Variants in DLGAP2 observed in about 807,000 individuals in gnomAD.
DLGAP2 encodes the protein DLG associated protein 2, also known as disks large-associated protein 2.
Under a neutral mutation model 100.3 loss-of-function variants are expected in DLGAP2, and 26 were observed. The ratio of observed to expected loss-of-function variants is 0.26; its 90% CI spans 0.19 to 0.36. The LOEUF is 0.36. Ranked by LOEUF, DLGAP2 falls within the 10% of genes least tolerant of loss-of-function variation. The pLI is 1.00. For missense variants in DLGAP2, 1,858 were observed against 1,453.2 expected (o/e 1.28, Z -4.53); for synonymous variants, 886 against 630.1 (o/e 1.41, Z -6.08).
At chr8:1,108,989 C>T (rs1323178942) in intron 2 of DLGAP2, among the ~76,000 whole-genome samples, 1 of 141,768 alleles carries the variant, frequency 7.1e-6, no homozygotes, top group Non-Finnish European at 1.5e-5. Flanking sequence ...GTGAGGTGTG[C>T]ACATGCCTAT....
At chr8:1,675,496 C>G (rs1207861743) in intron 10 of DLGAP2, among the ~76,000 whole-genome samples, 1 of 152,240 alleles carries the variant, frequency 6.6e-6, no homozygotes, top group African/African-American at 2.4e-5. Flanking sequence ...CTCTTAGCCA[C>G]AAATCTGAGC....
chr8:1,097,223 C>G (rs1251939481), intron 2 of DLGAP2, among the ~76,000 whole-genome samples: 1 of 131,320 alleles, frequency 7.6e-6, no homozygotes, highest in South Asian at 2.5e-4. Context: ...AGGCCTTCAC[C>G]CTCTGTGGCA....
rs577539042 is a variant in DLGAP2, at chr8:1,559,943, A to G, written c.1231-5740A>G. Among the ~76,000 whole-genome samples the G allele has an allele frequency of 5.9e-5, 9 of 152,316 alleles. No individual in the cohort carries two copies. In the South Asian group the frequency reaches 1.9e-3, roughly 32 times the overall value. On this transcript the variant is annotated intron_variant, in intron 5 of 14. Transcript: ENST00000637795. ...TTTCCTGATCCTGGCCCCTCCCGTC[A>G]GCCGACAGTGACCTTCAACACGTGT...
At chr8:1,334,593 A>AC (rs935186616) in intron 3 of DLGAP2, among the ~76,000 whole-genome samples, 42 of 150,632 alleles carry the variant, frequency 2.8e-4, no homozygotes, top group Admixed American at 6.0e-4. Context: ...CCTGCCCTCG[A>AC]CCCCCCCAGT....
At chr8:1,328,444 G>C (rs1052371153) in intron 3 of DLGAP2, among the ~76,000 whole-genome samples, 1 of 152,090 alleles carries the variant, frequency 6.6e-6, no homozygotes, top group Non-Finnish European at 1.5e-5. Context: ...TCAGCCTCCC[G>C]AGTAGCGGGA....
intron 1 of DLGAP2, among the ~76,000 whole-genome samples, chr8:896,980 C>T (rs1273486099): frequency 1.3e-5 from 2 of 152,144 alleles, no homozygotes; most frequent in Non-Finnish European, 2.9e-5. Context: ...CCAAGTTTTA[C>T]ATCTGTAACA....
At chr8:1,143,394 C>T (rs1038891654) in intron 2 of DLGAP2, among the ~76,000 whole-genome samples, 16 of 152,180 alleles carry the variant, frequency 1.1e-4, no homozygotes, top group African/African-American at 3.9e-4. Flanking sequence ...AGTATCTCCC[C>T]TTAATATCTC....
intron 3 of DLGAP2, among the ~76,000 whole-genome samples, chr8:1,343,125 G>A (rs1801457042): frequency 1.3e-5 from 2 of 152,200 alleles, no homozygotes; most frequent in South Asian, 4.1e-4. Flanking sequence ...CACCAAGCGT[G>A]CAGAAGTCCC....
At chr8:1,251,947 G>T (rs942302677) in intron 2 of DLGAP2, among the ~76,000 whole-genome samples, 4 of 152,242 alleles carry the variant, frequency 2.6e-5, no homozygotes, top group Non-Finnish European at 5.9e-5. Flanking sequence ...GTTGTCCTGG[G>T]TCATGGTGTC....
At chr8:1,101,803 CG>C (rs1382379819) in intron 2 of DLGAP2, among the ~76,000 whole-genome samples, 8 of 25,852 alleles carry the variant, frequency 3.1e-4, no homozygotes, top group African/African-American at 1.2e-3. Context: ...ACCCCTGAGC[CG>C]AACACGACAC....
At chr8:1,435,856 G>A (rs540543448) in intron 3 of DLGAP2, among the ~76,000 whole-genome samples, 2 of 151,924 alleles carry the variant, frequency 1.3e-5, no homozygotes, top group African/African-American at 4.8e-5. Flanking sequence ...TTGGGTCTTA[G>A]TGCTTAACAA....
chr8:1,095,238 GC>G (rs1475366992), intron 2 of DLGAP2, among the ~76,000 whole-genome samples: 7 of 152,222 alleles, frequency 4.6e-5, no homozygotes, highest in African/African-American at 1.4e-4. Flanking sequence ...AGGAATGGAG[GC>G]CCTCATAGTT....
rs1797236170 is a variant in DLGAP2 at position 1,618,741 on chromosome 8, T to C, written c.1443-7999T>C. Reference sequence around the variant, plus strand: ...ACTCTTGATATTTGGGGCCAGACAATTGTCTCTCATTGGGGGGATCTCCGT... The same window carrying C: ...ACTCTTGATATTTGGGGCCAGACAACTGTCTCTCATTGGGGGGATCTCCGT... On this transcript the variant is annotated intron_variant, in intron 6 of 14. Coordinates refer to ENST00000637795, the MANE Select transcript of DLGAP2 (RefSeq NM_001346810.2). Among the ~76,000 whole-genome samples, 3 of 152,142 alleles carry C rather than the reference T, an allele frequency of 2.0e-5. No individual in the cohort carries two copies. The South Asian group carries it at 6.2e-4, about 32-fold the overall frequency.
At chr8:1,203,137 CGTTT>C (rs1291169604) in intron 2 of DLGAP2, among the ~76,000 whole-genome samples, 3 of 151,974 alleles carry the variant, frequency 2.0e-5, no homozygotes, top group African/African-American at 7.3e-5. Context: ...TTTGTTTGTT[CGTTT>C]GTTTGTTTTG....
intron 1 of DLGAP2, among the ~76,000 whole-genome samples, chr8:884,501 GT>G (rs1797883758): frequency 6.6e-6 from 1 of 151,772 alleles, no homozygotes; most frequent in African/African-American, 2.4e-5. Context: ...CCTGTAAATA[GT>G]TTAAGTTCCT....
chr8:1,037,447 A>G (rs1231654124), intron 2 of DLGAP2, among the ~76,000 whole-genome samples: 1 of 152,032 alleles, frequency 6.6e-6, no homozygotes, highest in African/African-American at 2.4e-5. Context: ...CTGCACCCCC[A>G]GGGCCTGGCG....
chr8:1,095,091 C>G (rs1247744860), intron 2 of DLGAP2, among the ~76,000 whole-genome samples: 1 of 141,238 alleles, frequency 7.1e-6, no homozygotes, highest in Non-Finnish European at 1.5e-5. Context: ...GTGAGACAGC[C>G]TGGGGCAGCA....
intron 3 of DLGAP2, among the ~76,000 whole-genome samples, chr8:1,266,285 C>G (rs1799449103): frequency 6.6e-6 from 1 of 152,202 alleles, no homozygotes; most frequent in Admixed American, 6.5e-5. Context: ...AGCACTTACC[C>G]AAGCAGCCAT....
intron 7 of DLGAP2, among the ~76,000 whole-genome samples, chr8:1,627,841 A>T (rs1797545215): frequency 6.6e-6 from 1 of 151,724 alleles, no homozygotes; most frequent in South Asian, 2.1e-4. Context: ...AGGGATTAAG[A>T]GCCTGAGCCG....
Sources: gnomAD v4.1 joint callset for allele counts (sites outside exome capture counted in the v4.1 genomes callset) on GRCh38, gnomAD v4.1.1 for gene constraint, MANE v1.5 for transcripts, NCBI Gene and HGNC (gene_info 2026-07-23, HGNC 2026-07-21) for gene names.